Variants in RNF130 observed in about 807,000 individuals in gnomAD.
The protein encoded by RNF130 is ring finger protein 130.
Under a neutral mutation model 44.6 loss-of-function variants are expected in RNF130, and 21 were observed. The ratio of observed to expected loss-of-function variants is 0.47; its 90% CI spans 0.33 to 0.68. The LOEUF is 0.68. Ranked by LOEUF, RNF130 falls within the 30% of genes least tolerant of loss-of-function variation. The pLI is 0.02. For missense variants in RNF130, 479 were observed against 560.6 expected (o/e 0.85, Z 1.47); for synonymous variants, 214 against 210.4 (o/e 1.02, Z -0.15).
intron 7 of RNF130, among the ~76,000 whole-genome samples, chr5:179,940,366 G>T (rs1250638789): frequency 6.6e-6 from 1 of 151,792 alleles, no homozygotes; most frequent in Non-Finnish European, 1.5e-5. Context: ...GATTACAGGT[G>T]CCCGGCACCA....
At chr5:180,048,468 C>T (rs561189168) in intron 1 of RNF130, among the ~76,000 whole-genome samples, 22 of 152,092 alleles carry the variant, frequency 1.4e-4, no homozygotes, top group South Asian at 4.1e-4. Context: ...AAATCAATGA[C>T]TTAGATTGAT....
chr5:180,010,952 G>GC (rs1763581059), intron 3 of RNF130, among the ~76,000 whole-genome samples: 1 of 152,170 alleles, frequency 6.6e-6, no homozygotes, highest in South Asian at 2.1e-4. Context: ...TCAGTGGATT[G>GC]CATCCATGCC....
chr5:180,034,772 GGTGAGTCCT>G (rs1207475997), intron 2 of RNF130, among the ~76,000 whole-genome samples: 7 of 152,182 alleles, frequency 4.6e-5, no homozygotes, highest in Non-Finnish European at 7.3e-5. Flanking sequence ...GTGACTATGT[GGTGAGTCCT>G]GTGAGTCCTC....
At chr5:179,913,354 G>A (rs1412135722) in exon 8 of RNF130, 1 of 149,872 alleles carries the variant, frequency 6.7e-6, no homozygotes, top group Non-Finnish European at 1.5e-5. Context: ...ACGTTCAAAG[G>A]TGCTTTTTTT....
chr5:180,034,874 T>A (rs144432124), intron 2 of RNF130, among the ~76,000 whole-genome samples: 16 of 152,354 alleles, frequency 1.1e-4, no homozygotes, highest in African/African-American at 3.4e-4. Flanking sequence ...TCCTTTATAA[T>A]CCTTTAAGTT....
chr5:180,060,265 G>C (rs1162851208), intron 1 of RNF130, among the ~76,000 whole-genome samples: 1 of 152,174 alleles, frequency 6.6e-6, no homozygotes, highest in Non-Finnish European at 1.5e-5. Flanking sequence ...CCTAGTTTTT[G>C]GTGATTTGTT....
chr5:180,061,488 G>A (rs889954908), intron 1 of RNF130, among the ~76,000 whole-genome samples: 4 of 152,164 alleles, frequency 2.6e-5, no homozygotes, highest in African/African-American at 7.2e-5. Context: ...GGGCCCCAAA[G>A]TCTGGTGTGA....
At chr5:180,047,819 C>A (rs968351255) in intron 1 of RNF130, among the ~76,000 whole-genome samples, 1 of 152,194 alleles carries the variant, frequency 6.6e-6, no homozygotes, top group African/African-American at 2.4e-5. Context: ...GCTCTCCTCT[C>A]TCCACTCCCA....
At chr5:179,982,312 GT>G (rs1289816319) in intron 3 of RNF130, among the ~76,000 whole-genome samples, 1 of 151,620 alleles carries the variant, frequency 6.6e-6, no homozygotes, top group East Asian at 1.9e-4. Flanking sequence ...CATCTGCACT[GT>G]GGTCCAGTTT....
At chr5:180,066,386 C>T (rs1765107862) in intron 1 of RNF130, among the ~76,000 whole-genome samples, 1 of 152,190 alleles carries the variant, frequency 6.6e-6, no homozygotes, top group African/African-American at 2.4e-5. Flanking sequence ...CCAATTAAGC[C>T]TCTTTTTCTT....
chr5:179,944,756 CAA>C (rs111393394), intron 7 of RNF130, among the ~76,000 whole-genome samples: 6 of 140,598 alleles, frequency 4.3e-5, no homozygotes, highest in African/African-American at 2.6e-5. Context: ...GACCCTGTCT[CAA>C]AAAAAAAAAA....
At chr5:179,967,300 C>T (rs1762473078) in intron 6 of RNF130, among the ~76,000 whole-genome samples, 1 of 152,198 alleles carries the variant, frequency 6.6e-6, no homozygotes, top group South Asian at 2.1e-4. Flanking sequence ...GAGTCGTAAT[C>T]ATTAACATAA....
chr5:180,029,732 G>A (rs1764080539), intron 2 of RNF130, among the ~76,000 whole-genome samples: 2 of 151,938 alleles, frequency 1.3e-5, no homozygotes, highest in South Asian at 4.1e-4. Context: ...TAGAGATGGG[G>A]TTTTGTTATG....
At chr5:179,960,274 CTT>C (rs1378876429) in intron 8 of RNF130, among the ~76,000 whole-genome samples, 2 of 152,190 alleles carry the variant, frequency 1.3e-5, no homozygotes, top group East Asian at 3.8e-4. Context: ...TTATTCACTT[CTT>C]TGACTACCAT....
intron 8 of RNF130, among the ~76,000 whole-genome samples, chr5:179,962,468 T>C (rs1423161846): frequency 2.0e-5 from 3 of 152,204 alleles, no homozygotes; most frequent in Non-Finnish European, 2.9e-5. Context: ...CAGGACGTAA[T>C]TGAATATGGA....
chr5:179,925,663 G>C (rs1761697917), intron 7 of RNF130, among the ~76,000 whole-genome samples: 1 of 152,098 alleles, frequency 6.6e-6, no homozygotes, highest in Non-Finnish European at 1.5e-5. Context: ...CCAGAAACTG[G>C]GACTACAGGT....
At chr5:180,009,801 T>C (rs1236587972) in intron 3 of RNF130, among the ~76,000 whole-genome samples, 1 of 152,236 alleles carries the variant, frequency 6.6e-6, no homozygotes, top group African/African-American at 2.4e-5. Flanking sequence ...CTGTATGTGA[T>C]TGTTCACAGC....
chr5:179,930,474 C>G (rs1042335246), intron 7 of RNF130, among the ~76,000 whole-genome samples: 3 of 152,254 alleles, frequency 2.0e-5, no homozygotes, highest in Admixed American at 6.5e-5. Context: ...TACATGTAAT[C>G]GTTTTCTCTG....
intron 2 of RNF130, among the ~76,000 whole-genome samples, chr5:180,014,835 C>T (rs940492720): frequency 1.3e-5 from 2 of 152,166 alleles, no homozygotes; most frequent in African/African-American, 4.8e-5. Flanking sequence ...AAAACAGGAA[C>T]ATTAGCTAGG....
Sources: allele counts gnomAD v4.1 joint callset (sites outside exome capture counted in the v4.1 genomes callset), GRCh38; gene constraint gnomAD v4.1.1; transcripts MANE v1.5; gene names NCBI Gene and HGNC (gene_info 2026-07-23, HGNC 2026-07-21).